Variants in TEX2 observed in about 807,000 individuals in gnomAD.
TEX2 encodes the protein testis expressed 2, also known as testis-expressed protein 2.
Under a neutral mutation model 106.9 loss-of-function variants are expected in TEX2, and 53 were observed. That is an observed-to-expected ratio of 0.50 (90% CI 0.40 to 0.62). The LOEUF is 0.62. TEX2 is among the 20% of genes least tolerant of loss of function. The probability of loss-of-function intolerance (pLI) is 0.00; values close to 1 mark genes in which losing one functional copy is unlikely to be tolerated. For synonymous variants in TEX2, 523 were observed against 534.8 expected (o/e 0.98, Z 0.30); for missense variants, 1,207 against 1,379.0 (o/e 0.88, Z 1.98).
chr17:64,254,802 C>T (rs1293285121), intron 1 of TEX2, among the ~76,000 whole-genome samples: 1 of 152,146 alleles, frequency 6.6e-6, no homozygotes, highest in Non-Finnish European at 1.5e-5. Context: ...TGAAAATAAC[C>T]TGTGACTTCA....
chr17:64,187,699 G>T (rs558604256), intron 5 of TEX2, among the ~76,000 whole-genome samples: 1 of 151,884 alleles, frequency 6.6e-6, no homozygotes, highest in African/African-American at 2.4e-5. Flanking sequence ...GCTGTTCCTC[G>T]AATATTCCAA....
chr17:64,197,690 CA>C (rs1479441465), intron 2 of TEX2, among the ~76,000 whole-genome samples: 1 of 152,100 alleles, frequency 6.6e-6, no homozygotes, highest in African/African-American at 2.4e-5. Flanking sequence ...TCCCAAGTAG[CA>C]AGGGCTACAG....
rs1845419 is a variant in TEX2 at position 64,157,660 on chromosome 17, C to A, written c.2805-2693G>T. 6.6e-3 allele frequency among the ~76,000 whole-genome samples: 1,013 copies of A among 152,366 alleles called. 7 individuals carry two copies. Among genetic ancestry groups the A allele is most frequent in the African/African-American group, 0.023 (970 of 41,584 alleles). On this transcript the variant is annotated intron_variant, in intron 8 of 11. Transcript: ENST00000584379. ...CACACTCAAGAATGCACTAATTTTT[C>A]TTTTGAGAAAATCAGTTCTATACAC...
At chr17:64,164,175 C>A (rs754826253) in intron 7 of TEX2, among the ~76,000 whole-genome samples, 13 of 152,118 alleles carry the variant, frequency 8.5e-5, no homozygotes, top group Non-Finnish European at 1.6e-4. Flanking sequence ...CAGTGTCTCA[C>A]GCCTGTAATC....
chr17:64,159,642 T>C (rs573456907), intron 8 of TEX2, among the ~76,000 whole-genome samples: 2 of 152,214 alleles, frequency 1.3e-5, no homozygotes, highest in South Asian at 4.2e-4. Flanking sequence ...CGAACAAGAC[T>C]CAGAAGTTAC....
intron 6 of TEX2, among the ~76,000 whole-genome samples, chr17:64,175,581 TG>T (rs1177804792): frequency 6.6e-6 from 1 of 152,114 alleles, no homozygotes; most frequent in Non-Finnish European, 1.5e-5. Flanking sequence ...AGTTTGGTTT[TG>T]TTGGTGTTGT....
chr17:64,191,765 C>T (rs1173426541), intron 4 of TEX2, among the ~76,000 whole-genome samples: 1 of 141,666 alleles, frequency 7.1e-6, no homozygotes, highest in Admixed American at 7.2e-5. Flanking sequence ...TTGCAGTGAG[C>T]CAAGATCGTG....
At chr17:64,194,224 C>A (rs896718129) in intron 3 of TEX2, among the ~76,000 whole-genome samples, 1 of 151,736 alleles carries the variant, frequency 6.6e-6, no homozygotes, top group Non-Finnish European at 1.5e-5. Flanking sequence ...GACCTTGGAC[C>A]AAACTTAAGT....
At chr17:64,171,515 C>T (rs552537930) in intron 6 of TEX2, among the ~76,000 whole-genome samples, 6 of 151,938 alleles carry the variant, frequency 3.9e-5, no homozygotes, top group Non-Finnish European at 7.4e-5. Context: ...AGAGGGAACA[C>T]GGGGGTGGCT....
intron 3 of TEX2, among the ~76,000 whole-genome samples, chr17:64,194,617 C>T (rs1301528159): frequency 6.6e-6 from 1 of 152,198 alleles, no homozygotes; most frequent in African/African-American, 2.4e-5. Context: ...ACTTGTTCCT[C>T]AAGTTGTGGT....
In TEX2 at chr17:64,213,024, A is replaced by G; in HGVS notation, c.1194T>C (p.Ser398=). Residue 398 remains serine (S), a synonymous_variant, in exon 2 of 12, where the codon AGT becomes AGC. Coordinates refer to ENST00000584379, the MANE Select transcript of TEX2 (RefSeq NM_001288732.2). This position sits in a 1 kb window ranked among gnomAD's most constrained non-coding sequence, Gnocchi z 4.4. ...SSLKDLGLKT[S]SLVLEKCSLS... Reference sequence around the variant, plus strand: ...AAGAACATTTCTCCAGAACTAGAGAACTTGTCTTCAGGCCTAAATCCTTCA... The same window carrying G: ...AAGAACATTTCTCCAGAACTAGAGAGCTTGTCTTCAGGCCTAAATCCTTCA... 1 of 1,614,218 alleles carries G rather than the reference A, an allele frequency of 6.2e-7. No homozygotes were observed. Among genetic ancestry groups the G allele is most frequent in the Non-Finnish European group, 8.5e-7 (1 of 1,180,038 alleles).
intron 1 of TEX2, among the ~76,000 whole-genome samples, chr17:64,245,998 T>C (rs1311366857): frequency 1.3e-5 from 2 of 151,926 alleles, no homozygotes; most frequent in Admixed American, 6.6e-5. Context: ...TTAAGCAGAG[T>C]CTCCCAGATC....
intron 1 of TEX2, among the ~76,000 whole-genome samples, chr17:64,244,298 G>A (rs558765142): frequency 8.6e-5 from 13 of 151,952 alleles, no homozygotes; most frequent in Middle Eastern, 3.4e-3. Context: ...TGGGCCTCTC[G>A]TATCTTTGGA....
chr17:64,149,284 C>T (rs2030221288), intron 11 of TEX2, 193 bp from the exon 12 acceptor site: 3 of 569,330 alleles, frequency 5.3e-6, no homozygotes, highest in East Asian at 3.2e-5. Context: ...CGCATGGATA[C>T]GAGAATCCTC....
At chr17:64,188,494 C>T (rs1169083051) in intron 4 of TEX2, 79 bp from the exon 5 acceptor site, 4 of 1,589,344 alleles carry the variant, frequency 2.5e-6, no homozygotes, top group Non-Finnish European at 3.4e-6. Flanking sequence ...AGAAAAGCAG[C>T]TACAATGCTA....
chr17:64,262,639 C>G (rs1361197456), intron 1 of TEX2, among the ~76,000 whole-genome samples: 1 of 152,246 alleles, frequency 6.6e-6, no homozygotes, highest in Admixed American at 6.5e-5. Context: ...TTCGGCACGC[C>G]GCCGCCTCCC....
intron 1 of TEX2, among the ~76,000 whole-genome samples, chr17:64,258,205 C>A (rs2034221584): frequency 6.6e-6 from 1 of 152,178 alleles, no homozygotes; most frequent in African/African-American, 2.4e-5. Context: ...AGCCACCGCA[C>A]CTGGCCCAAC....
rs2032450921 is a variant in TEX2, at chr17:64,195,884, C to G, written c.1645-789G>C. ...TGTCATCATCATTCATCACTGAACA[C>G]TTCTCCTGCCTCAAATACTTTTTCA... On this transcript the variant is annotated intron_variant, in intron 2 of 11. Transcript: ENST00000584379. This position sits in a 1 kb window ranked among gnomAD's most constrained non-coding sequence, Gnocchi z 4.1. Among the ~76,000 whole-genome samples the G allele has an allele frequency of 6.6e-6, 1 of 152,244 alleles. No individual in the cohort carries two copies. Among genetic ancestry groups the G allele is most frequent in the Non-Finnish European group, 1.5e-5 (1 of 68,042 alleles).
chr17:64,227,650 A>C (rs939577210), intron 1 of TEX2, among the ~76,000 whole-genome samples: 7 of 152,256 alleles, frequency 4.6e-5, no homozygotes, highest in Admixed American at 3.9e-4. Context: ...GTATGTATGT[A>C]ATCTGCTTTT....
Sources: gnomAD v4.1 joint callset for allele counts (sites outside exome capture counted in the v4.1 genomes callset) on GRCh38, gnomAD v4.1.1 for gene constraint, Gnocchi (gnomAD v3.1) non-coding constraint, MANE v1.5 for transcripts, NCBI Gene and HGNC (gene_info 2026-07-23, HGNC 2026-07-21) for gene names.